Variants in CYP19A1 observed in about 807,000 individuals in gnomAD.
CYP19A1 encodes the protein aromatase.
A neutral mutation model predicts 44.4 loss-of-function variants in CYP19A1; 32 were observed. The ratio of observed to expected loss-of-function variants is 0.72; its 90% confidence interval spans 0.54 to 0.97. CYP19A1 has a LOEUF of 0.97. Ranked by LOEUF, CYP19A1 falls within the 50% of genes least tolerant of loss-of-function variation. The pLI, the probability that CYP19A1 is intolerant of heterozygous loss-of-function variation, is 0.00. For missense variants in CYP19A1, 598 were observed against 637.8 expected, an observed-to-expected ratio of 0.94 and a Z score of 0.67; for synonymous variants, 212 against 215.6, an observed-to-expected ratio of 0.98 and a Z score of 0.14.
intron 1 of CYP19A1, among the ~76,000 whole-genome samples, chr15:51,259,137 C>G (rs1323830717): frequency 6.6e-6 from 1 of 152,142 alleles, no homozygotes; most frequent in Non-Finnish European, 1.5e-5. Context: ...CAGGAGACAA[C>G]AAGTAGGAAA....
intron 1 of CYP19A1, among the ~76,000 whole-genome samples, chr15:51,245,954 T>C (rs1189582984): frequency 6.6e-6 from 1 of 152,232 alleles, no homozygotes; most frequent in African/African-American, 2.4e-5. Flanking sequence ...GCCATTTTGC[T>C]CCCTATTATG....
At chr15:51,261,078 C>T (rs978761980) in intron 1 of CYP19A1, among the ~76,000 whole-genome samples, 4 of 152,230 alleles carry the variant, frequency 2.6e-5, no homozygotes, top group Non-Finnish European at 5.9e-5. Context: ...CATCGCCACT[C>T]CCGATCGGGC....
At chr15:51,305,025 G>A (rs60115604) in intron 1 of CYP19A1, among the ~76,000 whole-genome samples, 5,440 of 149,872 alleles carry the variant, frequency 0.036, 261 homozygotes, top group East Asian at 0.15. Flanking sequence ...TCAGCCTCCC[G>A]AGCAGCTGGC....
At chr15:51,275,545 A>G (rs1480914437) in intron 1 of CYP19A1, among the ~76,000 whole-genome samples, 3 of 152,240 alleles carry the variant, frequency 2.0e-5, no homozygotes. Context: ...AACATCTGGC[A>G]AACTGCTGGA....
intron 1 of CYP19A1, among the ~76,000 whole-genome samples, chr15:51,322,764 C>G (rs930511186): frequency 6.6e-6 from 1 of 152,210 alleles, no homozygotes; most frequent in African/African-American, 2.4e-5. Flanking sequence ...ATTGGGCCAG[C>G]CTCTACTGTG....
At chr15:51,333,040 G>C (rs2036725492) in intron 1 of CYP19A1, among the ~76,000 whole-genome samples, 1 of 152,080 alleles carries the variant, frequency 6.6e-6, no homozygotes, top group Admixed American at 6.5e-5. Context: ...CTTTCCTTCA[G>C]CTACTGAATT....
intron 1 of CYP19A1, among the ~76,000 whole-genome samples, chr15:51,269,780 C>G (rs768309073): frequency 2.0e-5 from 3 of 152,214 alleles, no homozygotes; most frequent in Non-Finnish European, 2.9e-5. Context: ...CAGAGCTATA[C>G]TGTTGTCTGA....
At chr15:51,228,542 C>A (rs553202113) in intron 3 of CYP19A1, among the ~76,000 whole-genome samples, 1 of 152,192 alleles carries the variant, frequency 6.6e-6, no homozygotes, top group East Asian at 1.9e-4. Flanking sequence ...GCTTGGCCAG[C>A]GCCTGGCTGG....
chr15:51,338,269 C>G (rs2036809242), intron 1 of CYP19A1, among the ~76,000 whole-genome samples: 1 of 152,126 alleles, frequency 6.6e-6, no homozygotes, highest in Non-Finnish European at 1.5e-5. Flanking sequence ...TTCTTAGGCC[C>G]TCCTATTTCA....
intron 8 of CYP19A1, among the ~76,000 whole-genome samples, chr15:51,213,270 G>T (rs1468779825): frequency 6.6e-6 from 1 of 152,220 alleles, no homozygotes; most frequent in Non-Finnish European, 1.5e-5. Context: ...CCCTGGGTGA[G>T]CTGGGGATAG....
At chr15:51,288,700 G>A (rs2035768654) in intron 1 of CYP19A1, among the ~76,000 whole-genome samples, 1 of 152,188 alleles carries the variant, frequency 6.6e-6, no homozygotes, top group Non-Finnish European at 1.5e-5. Flanking sequence ...CCTGCTCCTT[G>A]TTAAACGCAG....
rs60375627 is a variant in CYP19A1, at chr15:51,298,802, G to A, written c.-39+39693C>T. Among the ~76,000 whole-genome samples the A allele has an allele frequency of 6.2e-3, 952 of 152,350 alleles. 14 individuals carry two copies. Among genetic ancestry groups the A allele is most frequent in the African/African-American group, 0.022 (907 of 41,578 alleles). ...TCATCATCCCACATTAGCTACTGCT[G>A]AGGAGAAGCCAGCAGGGCTGAAGGA... is the stretch of plus-strand genomic sequence containing the variant. On this transcript the variant is annotated intron_variant, in intron 1 of 9. Coordinates refer to ENST00000396402, the MANE Select transcript of CYP19A1 (RefSeq NM_000103.4).
At chr15:51,318,295 T>C (rs1187656279) in intron 1 of CYP19A1, 1 of 152,190 alleles carries the variant, frequency 6.6e-6, no homozygotes, top group Non-Finnish European at 1.5e-5. Context: ...AGCCACTCAG[T>C]TGATAGCAAA....
At chr15:51,313,419 A>T (rs548712275) in intron 1 of CYP19A1, among the ~76,000 whole-genome samples, 21 of 152,312 alleles carry the variant, frequency 1.4e-4, no homozygotes, top group African/African-American at 5.1e-4. Context: ...TTCTTATGGC[A>T]TGGAGCCTGC....
At chr15:51,270,504 C>G (rs1390572775) in intron 1 of CYP19A1, among the ~76,000 whole-genome samples, 1 of 152,164 alleles carries the variant, frequency 6.6e-6, no homozygotes. Context: ...GAAGAAATCT[C>G]ATACTCCAAG....
chr15:51,324,873 G>A (rs1478286362), intron 1 of CYP19A1, among the ~76,000 whole-genome samples: 1 of 152,132 alleles, frequency 6.6e-6, no homozygotes, highest in Non-Finnish European at 1.5e-5. Context: ...AAAGTCAGAG[G>A]CAAAACAATA....
intron 1 of CYP19A1, among the ~76,000 whole-genome samples, chr15:51,320,032 C>T (rs1402336819): frequency 6.6e-6 from 1 of 152,260 alleles, no homozygotes. Context: ...TTCTACAACA[C>T]TAGGAGATAG....
chr15:51,211,543 C>A, intron 9 of CYP19A1: 1 of 350,778 alleles, frequency 2.9e-6, no homozygotes, highest in South Asian at 2.2e-5. Context: ...CACATTTGGA[C>A]TTAGTGCCTG....
intron 2 of CYP19A1, chr15:51,242,202 C>T (rs1275174592): frequency 1.4e-5 from 2 of 147,224 alleles, no homozygotes; most frequent in Non-Finnish European, 3.0e-5. Flanking sequence ...CCCCATTTTT[C>T]TCCCACTACC....
Sources: gnomAD v4.1 joint callset for allele counts (sites outside exome capture counted in the v4.1 genomes callset) on GRCh38, gnomAD v4.1.1 for gene constraint, MANE v1.5 for transcripts, NCBI Gene and HGNC (gene_info 2026-07-23, HGNC 2026-07-21) for gene names.